The following LRRC4C variants were observed in gnomAD, a reference collection of about 807,000 sequenced individuals.
The protein encoded by LRRC4C is leucine-rich repeat-containing protein 4C.
In LRRC4C, 5 loss-of-function variants were observed where a neutral mutation model predicts 33.6. That is an observed-to-expected ratio of 0.15 (90% CI 0.08 to 0.31). The LOEUF (loss-of-function observed/expected upper bound fraction) is 0.31, where lower values mean the gene tolerates loss of function less well. Among genes scored for constraint, LRRC4C ranks in the 10% least tolerant of loss-of-function variants. The probability of loss-of-function intolerance (pLI) is 1.00; values close to 1 mark genes in which losing one functional copy is unlikely to be tolerated. For synonymous variants in LRRC4C, 329 were observed against 302.0 expected (o/e 1.09, Z -0.93); for missense variants, 560 against 796.7 (o/e 0.70, Z 3.58).
At chr11:41,442,527 T>C (rs1968624) in intron 1 of LRRC4C, among the ~76,000 whole-genome samples, 25 of 134,700 alleles carry the variant, frequency 1.9e-4, no homozygotes, top group African/African-American at 7.0e-4. Flanking sequence ...TGGAGTGCAG[T>C]GGCACAATCT....
intron 2 of LRRC4C, among the ~76,000 whole-genome samples, chr11:40,659,532 T>C (rs1384332485): frequency 6.6e-6 from 1 of 152,136 alleles, no homozygotes; most frequent in Non-Finnish European, 1.5e-5. Context: ...CAGCATGCAC[T>C]TCCTCCCTTG....
chr11:41,154,300 T>C (rs1293852208), intron 1 of LRRC4C, among the ~76,000 whole-genome samples: 1 of 152,182 alleles, frequency 6.6e-6, no homozygotes, highest in Non-Finnish European at 1.5e-5. Flanking sequence ...AGATTTCTTA[T>C]CCTGTCTTTC....
intron 2 of LRRC4C, among the ~76,000 whole-genome samples, chr11:40,715,123 T>A (rs192483335): frequency 4.6e-4 from 70 of 152,016 alleles, no homozygotes; most frequent in Non-Finnish European, 9.6e-4. Flanking sequence ...ATCAAAAATA[T>A]CAAAATGTAG....
At chr11:40,259,075 G>A (rs979349168) in intron 4 of LRRC4C, among the ~76,000 whole-genome samples, 3 of 152,144 alleles carry the variant, frequency 2.0e-5, no homozygotes, top group African/African-American at 4.8e-5. Flanking sequence ...TCAAGACAAA[G>A]TATGCTGACT....
chr11:41,024,789 A>T (rs1856226569), intron 1 of LRRC4C, among the ~76,000 whole-genome samples: 1 of 151,634 alleles, frequency 6.6e-6, no homozygotes, highest in African/African-American at 2.4e-5. Flanking sequence ...CAGATATTGA[A>T]TTTTTTACAT....
chr11:40,429,405 T>C (rs1449258403), intron 3 of LRRC4C, among the ~76,000 whole-genome samples: 1 of 152,186 alleles, frequency 6.6e-6, no homozygotes, highest in African/African-American at 2.4e-5. Context: ...TTCACTTATT[T>C]ACTCTTTGCA....
At chr11:40,994,648 G>A (rs1853830800) in intron 1 of LRRC4C, among the ~76,000 whole-genome samples, 1 of 152,058 alleles carries the variant, frequency 6.6e-6, no homozygotes, top group Non-Finnish European at 1.5e-5. Context: ...CATCCCAGAG[G>A]AAGCAAAAAT....
chr11:40,815,398 G>T (rs1270483946), intron 2 of LRRC4C, among the ~76,000 whole-genome samples: 1 of 152,142 alleles, frequency 6.6e-6, no homozygotes, highest in Non-Finnish European at 1.5e-5. Context: ...GATGAGATTT[G>T]GGTGGGCCAC....
chr11:41,456,195 C>T (rs1590338797), intron 1 of LRRC4C, among the ~76,000 whole-genome samples: 1 of 152,088 alleles, frequency 6.6e-6, no homozygotes, highest in Non-Finnish European at 1.5e-5. Context: ...TTAGCCTATT[C>T]TTATTAGCCA....
At chr11:41,373,693 G>T (rs927496659) in intron 1 of LRRC4C, among the ~76,000 whole-genome samples, 9 of 152,210 alleles carry the variant, frequency 5.9e-5, no homozygotes, top group Non-Finnish European at 1.3e-4. Context: ...AAAATATAAA[G>T]ATACCGACAG....
At chr11:40,352,099 TTTCCTTTCTTTCTTCCTTCCTTCC>T (rs1343182132) in intron 3 of LRRC4C, among the ~76,000 whole-genome samples, 2 of 145,352 alleles carry the variant, frequency 1.4e-5, no homozygotes, top group Non-Finnish European at 3.0e-5. Context: ...TCCTTCCTTT[TTTCCTTTCTTTCTTCCTTCCTTCC>T]TTCCTTCCTT....
chr11:40,962,969 A>G (rs901174696), intron 1 of LRRC4C, among the ~76,000 whole-genome samples: 1 of 151,726 alleles, frequency 6.6e-6, no homozygotes, highest in Non-Finnish European at 1.5e-5. Flanking sequence ...TGACTTATTA[A>G]TTCAAACTCT....
chr11:41,059,210 G>GTTTTTTTTTTGT (rs1858874625), intron 1 of LRRC4C, among the ~76,000 whole-genome samples: 1 of 125,196 alleles, frequency 8.0e-6, no homozygotes, highest in Admixed American at 8.9e-5. Context: ...TAAAATAAAA[G>GTTTTTTTTTTGT]TTTTTTTTTT....
chr11:40,747,727 C>A (rs967714609), intron 2 of LRRC4C, among the ~76,000 whole-genome samples: 2 of 151,848 alleles, frequency 1.3e-5, no homozygotes, highest in Admixed American at 6.6e-5. Context: ...AAAAAGGAAT[C>A]AAACAGAAAT....
rs148921874 is a variant in LRRC4C at position 40,407,446 on chromosome 11, T to C, written c.-269-87725A>G. Among the ~76,000 whole-genome samples the C allele has an allele frequency of 2.5e-4, 38 of 152,224 alleles. 2 individuals carry two copies. In the East Asian group the frequency reaches 6.6e-3, roughly 26 times the overall value. On this transcript the variant is annotated intron_variant, in intron 3 of 6. Coordinates refer to ENST00000528697, the MANE Select transcript of LRRC4C (RefSeq NM_001258419.2). ...AATTTCTCATTGCTAAAGTAATTCT[T>C]CAGGGAGGTGATGTTTCAATGCATG...
At chr11:40,836,144 C>A (rs947021190) in intron 2 of LRRC4C, among the ~76,000 whole-genome samples, 2 of 152,172 alleles carry the variant, frequency 1.3e-5, no homozygotes, top group Non-Finnish European at 2.9e-5. Context: ...TTAATGACTA[C>A]ACAGAGTTCT....
chr11:40,943,157 T>C (rs1958234338), intron 1 of LRRC4C, among the ~76,000 whole-genome samples: 1 of 152,180 alleles, frequency 6.6e-6, no homozygotes, highest in Non-Finnish European at 1.5e-5. Context: ...TGTGAAGACT[T>C]AACTTACTCG....
At chr11:40,934,389 T>G (rs1340873152) in intron 1 of LRRC4C, among the ~76,000 whole-genome samples, 2 of 152,136 alleles carry the variant, frequency 1.3e-5, no homozygotes, top group Non-Finnish European at 2.9e-5. Flanking sequence ...TGGAAAATAT[T>G]TTATCTGCAT....
At chr11:40,798,726 C>T (rs953978644) in intron 2 of LRRC4C, among the ~76,000 whole-genome samples, 2 of 151,350 alleles carry the variant, frequency 1.3e-5, no homozygotes, top group Admixed American at 1.3e-4. Flanking sequence ...TCACTGCAAC[C>T]TCTGCCTACT....
Sources: allele counts gnomAD v4.1 joint callset (sites outside exome capture counted in the v4.1 genomes callset), GRCh38; gene constraint gnomAD v4.1.1; transcripts MANE v1.5; gene names NCBI Gene and HGNC (gene_info 2026-07-23, HGNC 2026-07-21).